Variants in GABPA observed in about 807,000 individuals in gnomAD.
GABPA encodes GA-binding protein alpha chain.
In GABPA, 4 loss-of-function variants were observed where a neutral mutation model predicts 59.4. That is an observed-to-expected ratio of 0.07 (90% CI 0.03 to 0.15). The LOEUF is 0.15. Among genes scored for constraint, GABPA ranks in the 10% least tolerant of loss-of-function variants. GABPA has a pLI of 1.00. For synonymous variants in GABPA, 164 were observed against 183.1 expected (o/e 0.90, Z 0.84); for missense variants, 251 against 543.8 (o/e 0.46, Z 5.36).
At chr21:25,750,887 G>T (rs1329612428) in intron 4 of GABPA, among the ~76,000 whole-genome samples, 1 of 152,144 alleles carries the variant, frequency 6.6e-6, no homozygotes, top group Non-Finnish European at 1.5e-5. Flanking sequence ...AAATATTTTT[G>T]ATTCTGATTG....
chr21:25,761,684 G>C (rs2035769738), intron 6 of GABPA, among the ~76,000 whole-genome samples: 1 of 152,314 alleles, frequency 6.6e-6, no homozygotes, highest in Non-Finnish European at 1.5e-5. Flanking sequence ...TAACATCTAA[G>C]TAGGGAATAA....
rs2036020357 is a variant in GABPA, at chr21:25,772,094, A to C, written c.*2862A>C. On this transcript the variant is annotated 3_prime_UTR_variant, in exon 10 of 10. Transcript: ENST00000400075. ...ATGCTACTGCCTTTAAGAAAGAACT[A>C]GTGTATCCTTGAAATAGCACAAAAA... 6.6e-6 allele frequency: 1 copy of C among 152,114 alleles called. No individual in the cohort carries two copies. The highest frequency in any genetic ancestry group is 2.4e-5 in the African/African-American group (1 of 41,468). The allele number at this position is 152,114 out of a possible 1,614,324, so 9.4% of individuals were successfully genotyped here.
In GABPA at chr21:25,735,036, T is replaced by C; in HGVS notation, c.-569T>C. The C allele has an allele frequency of 6.8e-7, 1 of 1,460,630 alleles. No individual in the cohort carries two copies. The highest frequency in any genetic ancestry group is 9.3e-7 in the Non-Finnish European group (1 of 1,072,706). The allele number at this position is 1,460,630 out of a possible 1,614,324, so 90.5% of individuals were successfully genotyped here. A position where few individuals can be genotyped will look rare whatever the true frequency, so the allele number is the denominator to read the frequency against. On this transcript the variant is annotated 5_prime_UTR_variant, in exon 1 of 10. Transcript: ENST00000400075. The stretch of plus-strand genomic sequence containing the variant: ...CAGTCTGCGACCGGACGGGTCTAGG[T>C]GAGACAGAAGCCAAACAGGAGGAGG...
At chr21:25,750,462 G>C (rs1291852165) in intron 4 of GABPA, among the ~76,000 whole-genome samples, 1 of 152,188 alleles carries the variant, frequency 6.6e-6, no homozygotes, top group African/African-American at 2.4e-5. Context: ...AACCAGTACA[G>C]TTTAGCACAG....
chr21:25,745,421 C>T, intron 3 of GABPA, 67 bp downstream of exon 3: 1 of 1,452,340 alleles, frequency 6.9e-7, no homozygotes, highest in African/African-American at 1.4e-5. Context: ...TTTTGTTAGC[C>T]TTTTCTTTAT....
intron 9 of GABPA, among the ~76,000 whole-genome samples, chr21:25,767,878 T>C (rs750504991): frequency 2.0e-5 from 3 of 152,132 alleles, no homozygotes; most frequent in Non-Finnish European, 4.4e-5. Flanking sequence ...ATTTCCTGTA[T>C]ATAGGTCAGT....
At chr21:25,738,931 A>C (rs1414241784) in intron 1 of GABPA, among the ~76,000 whole-genome samples, 1 of 152,052 alleles carries the variant, frequency 6.6e-6, no homozygotes, top group Non-Finnish European at 1.5e-5. Flanking sequence ...CAAGAAAAAA[A>C]AAAACCAAAA....
chr21:25,735,048 CA>C lies in GABPA; in HGVS notation c.-554del. On this transcript the variant is annotated 5_prime_UTR_variant, in exon 1 of 10. Transcript: ENST00000400075. ...GGACGGGTCTAGGTGAGACAGAAGC[CA>C]AACAGGAGGAGGAAGTGGAGGGTAA... 7.5e-7 allele frequency: 1 copy of C among 1,329,692 alleles called. No homozygotes were observed. Among genetic ancestry groups the C allele is most frequent in the South Asian group, 1.2e-5 (1 of 80,024 alleles). The allele number at this position is 1,329,692 out of a possible 1,614,324, so 82.4% of individuals were successfully genotyped here.
At chr21:25,744,775 A>G (rs185513063) in intron 2 of GABPA, among the ~76,000 whole-genome samples, 1 of 152,084 alleles carries the variant, frequency 6.6e-6, no homozygotes, top group African/African-American at 2.4e-5. Flanking sequence ...AACTTATTCT[A>G]TTTTTATATC....
rs2036005600 is a variant in GABPA, at chr21:25,771,337, C to T, written c.*2105C>T. The T allele has an allele frequency of 9.6e-6, 1 of 104,002 alleles. No homozygotes were observed. The highest frequency in any genetic ancestry group is 3.0e-4 in the South Asian group (1 of 3,326). 6.4% of individuals were successfully genotyped at this position (104,002 alleles called of 1,614,324 possible). On this transcript the variant is annotated 3_prime_UTR_variant, in exon 10 of 10. Coordinates refer to ENST00000400075, the MANE Select transcript of GABPA (RefSeq NM_002040.4). ...ATTTTTTTCTCATCTATGCAATTCC[C>T]ATATGGTTTTTTTTTAAATCATATT...
chr21:25,761,728 T>G (rs1484999862), intron 6 of GABPA, among the ~76,000 whole-genome samples: 1 of 152,222 alleles, frequency 6.6e-6, no homozygotes, highest in Non-Finnish European at 1.5e-5. Flanking sequence ...CTGTAAAGCC[T>G]TATCTCAGGA....
intron 9 of GABPA, among the ~76,000 whole-genome samples, chr21:25,766,892 G>A (rs182508115): frequency 6.6e-6 from 1 of 152,022 alleles, no homozygotes; most frequent in East Asian, 1.9e-4. Context: ...CAACAGTAGA[G>A]TGAATGAATC....
Position 25,764,653 on chromosome 21 carries a change from C to T in GABPA, c.1002C>T (p.Asp334=), listed in dbSNP as rs761400758. Residue 334 remains aspartate, a synonymous_variant, in exon 9 of 10, where the codon GAC becomes GAT. Coordinates refer to ENST00000400075, the MANE Select transcript of GABPA (RefSeq NM_002040.4). The part of the protein sequence containing the change: ...QFLLELLTDK[D]ARDCISWVGD... ...TGCTAGAACTTCTTACTGATAAGGA[C>T]GCTCGAGACTGCATTTCTTGGGTTG... 11 of 1,612,272 alleles carry T rather than the reference C, an allele frequency of 6.8e-6. No homozygotes were observed. Among genetic ancestry groups the T allele is most frequent in the Admixed American group, 5.0e-5 (3 of 59,750 alleles).
intron 2 of GABPA, among the ~76,000 whole-genome samples, chr21:25,743,880 C>CA (rs1365790170): frequency 1.3e-5 from 2 of 151,762 alleles, no homozygotes; most frequent in Non-Finnish European, 2.9e-5. Flanking sequence ...CCAGTCTCTA[C>CA]AAAAAATACA....
chr21:25,737,959 TA>T (rs1278154565), intron 1 of GABPA, among the ~76,000 whole-genome samples: 1 of 152,246 alleles, frequency 6.6e-6, no homozygotes, highest in Non-Finnish European at 1.5e-5. Context: ...AATACTTTCT[TA>T]AAATAGACAC....
chr21:25,750,290 C>T (rs2035476703), intron 4 of GABPA, among the ~76,000 whole-genome samples: 1 of 152,172 alleles, frequency 6.6e-6, no homozygotes, highest in African/African-American at 2.4e-5. Flanking sequence ...AAACTTTATC[C>T]ACTCGCCTGC....
At chr21:25,735,773 G>A (rs1169169234) in intron 1 of GABPA, 195 bp downstream of exon 1, 2 of 151,230 alleles carry the variant, frequency 1.3e-5, no homozygotes, top group African/African-American at 2.4e-5. Flanking sequence ...GAGCTGTGCG[G>A]GGAGCGAAGG....
chr21:25,744,687 AT>A (rs36059786), intron 2 of GABPA, among the ~76,000 whole-genome samples: 12,437 of 150,406 alleles, frequency 0.083, 591 homozygotes, highest in Middle Eastern at 0.15. Context: ...AAGAATATAC[AT>A]TTTTTTTTTA....
intron 1 of GABPA, among the ~76,000 whole-genome samples, chr21:25,735,869 C>T (rs1490338303): frequency 6.6e-6 from 1 of 152,086 alleles, no homozygotes; most frequent in South Asian, 2.1e-4. Flanking sequence ...GTCGCCGCTC[C>T]CTCCTTTCCG....
Sources: allele counts gnomAD v4.1 joint callset (sites outside exome capture counted in the v4.1 genomes callset), GRCh38; gene constraint gnomAD v4.1.1; transcripts MANE v1.5; gene names NCBI Gene and HGNC (gene_info 2026-07-23, HGNC 2026-07-21).